DEFB109B: variants seen among roughly 807,000 people sequenced by gnomAD.
The protein encoded by DEFB109B is beta-defensin 109B.
chr8:7,313,848 A>G (rs1202359177), intron 1 of DEFB109B, among the ~76,000 whole-genome samples: 2 of 126,260 alleles, frequency 1.6e-5, no homozygotes, highest in Non-Finnish European at 1.5e-5. Flanking sequence ...ACACTGAACA[A>G]GAGAAAATGA....
At chr8:7,318,824 G>T in intron 1 of DEFB109B, 1 of 145,612 alleles carries the variant, frequency 6.9e-6, no homozygotes, top group Non-Finnish European at 1.5e-5. Context: ...TCATCTGGAG[G>T]AAATACTGGT....
intron 1 of DEFB109B, among the ~76,000 whole-genome samples, chr8:7,315,342 AC>A (rs1276974751): frequency 2.9e-5 from 4 of 136,856 alleles, no homozygotes; most frequent in African/African-American, 1.5e-4. Flanking sequence ...TCTACTAAAT[AC>A]AAAAAATTAG....
At chr8:7,315,582 G>C (rs1321487296) in intron 1 of DEFB109B, among the ~76,000 whole-genome samples, 2 of 133,164 alleles carry the variant, frequency 1.5e-5, no homozygotes, top group Non-Finnish European at 3.0e-5. Context: ...GTGAGTGAAT[G>C]AGAGTGAGTG....
Position 7,315,168 on chromosome 8 carries a change from G to A in DEFB109B, n.58+2265G>A, listed in dbSNP as rs1054804841. 3.3e-4 allele frequency among the ~76,000 whole-genome samples: 27 copies of A among 82,166 alleles called. 1 individual carries two copies. The highest frequency in any genetic ancestry group is 3.2e-3 in the Admixed American group (27 of 8,444). The allele number at this position is 82,166 out of a possible 152,430, so 53.9% of individuals were successfully genotyped here. A position where few individuals can be genotyped will look rare whatever the true frequency, so the allele number is the denominator to read the frequency against. ...CTGTCCCTCAAAAGTGTCTCAGGTAGTTCTCCTGCTCTCCATCTGATCTTA... is the reference window on the plus strand; with the variant it reads ...CTGTCCCTCAAAAGTGTCTCAGGTAATTCTCCTGCTCTCCATCTGATCTTA... On this transcript the variant is annotated intron_variant and non_coding_transcript_variant, in intron 1 of 1. Coordinates refer to ENST00000382656, the Ensembl canonical transcript of DEFB109B.
At chr8:7,310,286 A>C (rs373745483), upstream of DEFB109B, among the ~76,000 whole-genome samples, 1,474 of 20,588 alleles carry the variant, frequency 0.072, no homozygotes, top group African/African-American at 0.14. Flanking sequence ...TGCTCCTAAG[A>C]AGCCAGAGGC....
chr8:7,319,702 T>G (rs1803194560), intron 1 of DEFB109B, 44 bp from the exon 2 acceptor site: 1 of 148,246 alleles, frequency 6.7e-6, no homozygotes, highest in Admixed American at 6.6e-5. Context: ...GGATTTACAT[T>G]CCATTTGTGG....
chr8:7,316,778 C>T (rs1474983676), intron 1 of DEFB109B, among the ~76,000 whole-genome samples: 1 of 138,944 alleles, frequency 7.2e-6, no homozygotes, highest in Non-Finnish European at 1.5e-5. Flanking sequence ...AAGTGTCCAC[C>T]ACCATCTTCA....
upstream of DEFB109B, among the ~76,000 whole-genome samples, chr8:7,309,868 G>GAC (rs1563236284): frequency 9.1e-5 from 9 of 98,472 alleles, no homozygotes; most frequent in African/African-American, 4.5e-4. Context: ...AGTAGCCATG[G>GAC]ACGTGTAAGA....
upstream of DEFB109B, among the ~76,000 whole-genome samples, chr8:7,309,715 C>A (rs1164857129): frequency 6.9e-6 from 1 of 144,266 alleles, no homozygotes; most frequent in African/African-American, 2.9e-5. Flanking sequence ...ATCAGGCATC[C>A]TAAGTAGATC....
At chr8:7,316,824 G>C (rs1157073052) in intron 1 of DEFB109B, among the ~76,000 whole-genome samples, 3 of 127,368 alleles carry the variant, frequency 2.4e-5, no homozygotes, top group South Asian at 2.3e-4. Context: ...TTTTTTTTTA[G>C]TAGAGACAAG....
chr8:7,315,574 G>T (rs1802863903), intron 1 of DEFB109B, among the ~76,000 whole-genome samples: 1 of 133,568 alleles, frequency 7.5e-6, no homozygotes, highest in South Asian at 2.3e-4. Context: ...AATCATTAGT[G>T]AGTGAATGAG....
intron 1 of DEFB109B, among the ~76,000 whole-genome samples, chr8:7,316,815 T>TG (rs1422584005): frequency 9.9e-6 from 1 of 101,178 alleles, no homozygotes; most frequent in African/African-American, 6.1e-5. Context: ...ATATATACAT[T>TG]TTTTTTTAGT....
chr8:7,318,998 G>T (rs1803123690), intron 1 of DEFB109B: 1 of 145,324 alleles, frequency 6.9e-6, no homozygotes, highest in South Asian at 2.1e-4. Context: ...AATATGGAGA[G>T]AAAAAGTAAT....
chr8:7,313,694 G>GAA (rs200298527), intron 1 of DEFB109B, among the ~76,000 whole-genome samples: 1 of 131,840 alleles, frequency 7.6e-6, no homozygotes, highest in African/African-American at 3.3e-5. Context: ...GGGGCTTTTG[G>GAA]AAAAAAAAAA....
intron 1 of DEFB109B, among the ~76,000 whole-genome samples, chr8:7,315,485 T>A (rs1477733750): frequency 2.8e-5 from 3 of 106,058 alleles, no homozygotes; most frequent in African/African-American, 1.1e-4. Flanking sequence ...GGCGACAGAG[T>A]GAGACTCCGT....
At chr8:7,312,326 C>T (rs1476420673), upstream of DEFB109B, among the ~76,000 whole-genome samples, 16 of 138,692 alleles carry the variant, frequency 1.2e-4, 1 homozygote, top group Non-Finnish European at 2.1e-4. Context: ...TTAAGAGGGT[C>T]GATCTTAGGG....
intron 1 of DEFB109B, among the ~76,000 whole-genome samples, chr8:7,315,232 G>T (rs900672723): frequency 8.8e-6 from 1 of 113,210 alleles, no homozygotes; most frequent in African/African-American, 5.5e-5. Context: ...AAAACCATTA[G>T]TGGGGCCACA....
chr8:7,312,248 T>C (rs2128804875), upstream of DEFB109B, among the ~76,000 whole-genome samples: 1 of 136,800 alleles, frequency 7.3e-6, no homozygotes, highest in South Asian at 2.1e-4. Flanking sequence ...AATGAATCAA[T>C]TACAGAGATA....
upstream of DEFB109B, among the ~76,000 whole-genome samples, chr8:7,310,548 A>G (rs1369375899): frequency 7.2e-6 from 1 of 139,222 alleles, no homozygotes; most frequent in Non-Finnish European, 1.5e-5. Flanking sequence ...TGTCTATCCA[A>G]GATTGTCATC....
Sources: gnomAD v4.1 joint callset for allele counts (sites outside exome capture counted in the v4.1 genomes callset) on GRCh38, gnomAD v4.1.1 for gene constraint, MANE v1.5 for transcripts, NCBI Gene and HGNC (gene_info 2026-07-23, HGNC 2026-07-21) for gene names.